EYS: variants seen among roughly 807,000 people sequenced by gnomAD.
EYS encodes protein eyes shut homolog.
EYS carries 250 observed loss-of-function variants against 282.1 expected under a neutral mutation model. The ratio of observed to expected loss-of-function variants is 0.89; its 90% CI spans 0.80 to 0.98. The LOEUF is 0.98. Among genes scored for constraint, EYS ranks in the 50% least tolerant of loss-of-function variants. EYS has a pLI of 0.00. For missense variants in EYS, 4,016 were observed against 3,709.0 expected (o/e 1.08, Z -2.15); for synonymous variants, 1,355 against 1,282.9 (o/e 1.06, Z -1.20).
chr6:63,941,939 A>G (rs564309829), intron 35 of EYS, among the ~76,000 whole-genome samples: 1 of 152,204 alleles, frequency 6.6e-6, no homozygotes, highest in African/African-American at 2.4e-5. Context: ...CCATACATGT[A>G]AGGAACTGTT....
In EYS at chr6:64,781,509, G is replaced by A. The variant is rs535816867; in HGVS notation, c.3443+31869C>T. On this transcript the variant is annotated intron_variant, in intron 22 of 42. Transcript: ENST00000503581. Reference sequence around the variant, plus strand: ...GGAGAACGGCGTGAACCCAGGAGGCGGAGTTTGCAGTGAGCCGAGATTGCG... The same window carrying A: ...GGAGAACGGCGTGAACCCAGGAGGCAGAGTTTGCAGTGAGCCGAGATTGCG... 1.2e-4 allele frequency among the ~76,000 whole-genome samples: 18 copies of A among 150,926 alleles called. No individual in the cohort carries two copies. In the East Asian group the frequency reaches 2.5e-3, roughly 21 times the overall value.
chr6:63,737,402 A>G (rs540595367), intron 41 of EYS, among the ~76,000 whole-genome samples: 76 of 152,142 alleles, frequency 5.0e-4, no homozygotes, highest in African/African-American at 1.5e-3. Flanking sequence ...ATTGATTTGC[A>G]TATATTGAAC....
chr6:64,563,204 G>C (rs922832522), intron 26 of EYS, among the ~76,000 whole-genome samples: 1 of 151,914 alleles, frequency 6.6e-6, no homozygotes, highest in African/African-American at 2.4e-5. Context: ...CATTTTCTGG[G>C]TTATTACTGG....
chr6:65,123,410 G>T (rs908408069), intron 12 of EYS, among the ~76,000 whole-genome samples: 2 of 152,064 alleles, frequency 1.3e-5, no homozygotes, highest in Non-Finnish European at 2.9e-5. Flanking sequence ...AGAAAAAGTT[G>T]TAATTAAATA....
chr6:64,211,140 C>G (rs1050193801), intron 31 of EYS, among the ~76,000 whole-genome samples: 1 of 152,146 alleles, frequency 6.6e-6, no homozygotes, highest in African/African-American at 2.4e-5. Flanking sequence ...TGCATGAACC[C>G]ATGCCTCTAA....
At chr6:63,722,268 G>A (rs1026962814) in intron 42 of EYS, among the ~76,000 whole-genome samples, 9 of 151,588 alleles carry the variant, frequency 5.9e-5, no homozygotes, top group Non-Finnish European at 1.2e-4. Context: ...GATTTCATTC[G>A]CCTGTTTTCT....
chr6:65,604,303 A>G (rs1426793749), intron 2 of EYS, among the ~76,000 whole-genome samples: 1 of 152,014 alleles, frequency 6.6e-6, no homozygotes, highest in Non-Finnish European at 1.5e-5. Flanking sequence ...TCACATTTGA[A>G]TTAGATACCA....
chr6:63,865,289 T>C (rs1772645402), intron 35 of EYS, among the ~76,000 whole-genome samples: 1 of 152,216 alleles, frequency 6.6e-6, no homozygotes, highest in Admixed American at 6.5e-5. Flanking sequence ...AGCTAATACT[T>C]AGCAATGTAA....
At chr6:64,404,707 A>T (rs998320943) in intron 28 of EYS, among the ~76,000 whole-genome samples, 1 of 152,160 alleles carries the variant, frequency 6.6e-6, no homozygotes, top group Non-Finnish European at 1.5e-5. Flanking sequence ...TTTAATCTGA[A>T]ATGTCAGGGA....
chr6:64,466,393 T>G (rs1292703281), intron 26 of EYS, among the ~76,000 whole-genome samples: 3 of 152,096 alleles, frequency 2.0e-5, no homozygotes, highest in Non-Finnish European at 4.4e-5. Context: ...ATGTAGCACA[T>G]ATACAAAATG....
intron 42 of EYS, among the ~76,000 whole-genome samples, chr6:63,722,031 C>G (rs1478298089): frequency 1.3e-5 from 2 of 152,132 alleles, no homozygotes; most frequent in Non-Finnish European, 2.9e-5. Flanking sequence ...GGACAGTTCT[C>G]ATTGAATGAA....
At chr6:63,965,142 G>A (rs1256830419) in intron 35 of EYS, among the ~76,000 whole-genome samples, 1 of 152,152 alleles carries the variant, frequency 6.6e-6, no homozygotes, top group Non-Finnish European at 1.5e-5. Context: ...CTTACAGAAT[G>A]CTTTTGGCTC....
chr6:65,487,864 T>G (rs1457433439), intron 5 of EYS, among the ~76,000 whole-genome samples: 1 of 152,182 alleles, frequency 6.6e-6, no homozygotes, highest in Non-Finnish European at 1.5e-5. Flanking sequence ...CTGTTACTGG[T>G]CTATTCAGAG....
intron 21 of EYS, among the ~76,000 whole-genome samples, chr6:64,816,852 A>G (rs963677715): frequency 6.6e-6 from 1 of 152,056 alleles, no homozygotes; most frequent in Non-Finnish European, 1.5e-5. Flanking sequence ...TAAGAGCAAT[A>G]GACTTAAAAT....
At chr6:65,364,201 A>G (rs1764821747) in intron 8 of EYS, among the ~76,000 whole-genome samples, 1 of 150,798 alleles carries the variant, frequency 6.6e-6, no homozygotes, top group Admixed American at 6.8e-5. Context: ...CTGTAGGGTA[A>G]TATGATTTTT....
chr6:64,822,483 A>G (rs922417301), intron 20 of EYS, among the ~76,000 whole-genome samples, 168 bp downstream of exon 20: 4 of 152,064 alleles, frequency 2.6e-5, no homozygotes, highest in African/African-American at 9.7e-5. Flanking sequence ...GTATCAGTAC[A>G]TTGCATTAGC....
At chr6:64,051,358 C>CT (rs997189241) in intron 33 of EYS, among the ~76,000 whole-genome samples, 1 of 152,148 alleles carries the variant, frequency 6.6e-6, no homozygotes, top group African/African-American at 2.4e-5. Flanking sequence ...TGTGTCCTTT[C>CT]TTTTTTTCTT....
intron 31 of EYS, among the ~76,000 whole-genome samples, chr6:64,197,696 C>A (rs1765333156): frequency 6.6e-6 from 1 of 151,042 alleles, no homozygotes; most frequent in Non-Finnish European, 1.5e-5. Flanking sequence ...ATATTGTACC[C>A]CTTATCATTA....
intron 2 of EYS, among the ~76,000 whole-genome samples, chr6:65,528,770 A>G (rs1046534074): frequency 4.6e-5 from 7 of 152,218 alleles, no homozygotes; most frequent in Non-Finnish European, 8.8e-5. Context: ...ATTTACATAT[A>G]AAGTAAAGAG....
Sources: gnomAD v4.1 joint callset for allele counts (sites outside exome capture counted in the v4.1 genomes callset) on GRCh38, gnomAD v4.1.1 for gene constraint, MANE v1.5 for transcripts, NCBI Gene and HGNC (gene_info 2026-07-23, HGNC 2026-07-21) for gene names.